Variants in TBCD observed in about 807,000 individuals in gnomAD.
The protein encoded by TBCD is tubulin-specific chaperone D.
TBCD carries 105 observed loss-of-function variants against 169.3 expected under a neutral mutation model. The ratio of observed to expected loss-of-function variants is 0.62; its 90% CI spans 0.53 to 0.73. TBCD has a LOEUF of 0.73. Ranked by LOEUF, TBCD falls within the 30% of genes least tolerant of loss-of-function variation. The probability of loss-of-function intolerance (pLI) is 0.00; values close to 1 mark genes in which losing one functional copy is unlikely to be tolerated. For missense variants in TBCD, 1,444 were observed against 1,600.1 expected, an observed-to-expected ratio of 0.90 and a Z score of 1.66; for synonymous variants, 700 against 643.9, an observed-to-expected ratio of 1.09 and a Z score of -1.32.
intron 21 of TBCD, 141 bp downstream of exon 21, chr17:82,907,962 G>A (rs531671672): frequency 1.5e-4 from 125 of 843,326 alleles, no homozygotes; most frequent in Middle Eastern, 2.9e-4. Context: ...GGGGACCTGC[G>A]GTGTGATCAC....
chr17:82,937,741 C>A, intron 35 of TBCD: 1 of 882,126 alleles, frequency 1.1e-6, no homozygotes, highest in South Asian at 1.9e-5. Context: ...CGCCAGCCAG[C>A]GATAGGCACC....
In TBCD at chr17:82,925,049, C is replaced by T. The variant is rs1260113269; in HGVS notation, c.2371C>T (p.Leu791Phe). ...ALPGFLLKGR[L>F]QQVLTGLRAV... ...TCCAGGCTTCCTTCTGAAAGGCCGG[C>T]TCCAGCAGGTGAGGCTGGCCACGCG... is the stretch of plus-strand genomic sequence containing the variant. Residue 791 changes from leucine (L) to phenylalanine (F), a missense_variant, in exon 27 of 39, where the codon CTC becomes TTC. Coordinates refer to ENST00000355528, the MANE Select transcript of TBCD (RefSeq NM_005993.5). 6.4e-7 allele frequency: 1 copy of T among 1,555,262 alleles called. No individual in the cohort carries two copies. The highest frequency in any genetic ancestry group is 8.7e-7 in the Non-Finnish European group (1 of 1,149,452).
At chr17:82,759,739 T>C (rs1245238284) in intron 2 of TBCD, among the ~76,000 whole-genome samples, 1 of 152,222 alleles carries the variant, frequency 6.6e-6, no homozygotes, top group African/African-American at 2.4e-5. Flanking sequence ...GCCTCATTTA[T>C]TGGATGATTT....
intron 5 of TBCD, among the ~76,000 whole-genome samples, chr17:82,771,881 G>A (rs566081750): frequency 1.3e-5 from 2 of 150,528 alleles, no homozygotes; most frequent in East Asian, 2.0e-4. Flanking sequence ...CCGAGATCGC[G>A]CCACGGCCCT....
chr17:82,925,012 C>A lies in TBCD; in HGVS notation c.2334C>A (p.Ala778=). 6.4e-7 allele frequency: 1 copy of A among 1,570,632 alleles called. No individual in the cohort carries two copies. The change falls in exon 27 of 39, where the codon GCC becomes GCA. Residue 778 remains alanine, a synonymous_variant. Transcript: ENST00000355528. The part of the protein sequence containing the change: ...EEMTRCGFSL[A]LGALPGFLLK... Reference sequence around the variant, plus strand: ...TGACTCGCTGTGGCTTCTCGTTGGCCTTGGGCGCCCTTCCAGGCTTCCTTC... The same window carrying A: ...TGACTCGCTGTGGCTTCTCGTTGGCATTGGGCGCCCTTCCAGGCTTCCTTC...
At chr17:82,867,178 G>A (rs564351496) in intron 13 of TBCD, among the ~76,000 whole-genome samples, 1 of 125,376 alleles carries the variant, frequency 8.0e-6, no homozygotes, top group East Asian at 2.1e-4. Flanking sequence ...TCCGTGGCCT[G>A]GGGTGGGGGG....
Position 82,780,038 on chromosome 17 carries a change from G to A in TBCD, c.639-1551G>A, listed in dbSNP as rs377292944. Among the ~76,000 whole-genome samples the A allele has an allele frequency of 2.3e-4, 35 of 152,300 alleles. No individual in the cohort carries two copies. In the East Asian group the frequency reaches 2.7e-3, roughly 12 times the overall value. ...TGTGGCTAGGATGCCAGTCAGACCT[G>A]CCGGCATGGCCTAAAGAGGAGGTGG... is the stretch of plus-strand genomic sequence containing the variant. On this transcript the variant is annotated intron_variant, in intron 6 of 38. Coordinates refer to ENST00000355528, the MANE Select transcript of TBCD (RefSeq NM_005993.5).
At position 82,923,855 on chromosome 17, in the gene TBCD, G is replaced by A; in HGVS notation, c.2260+122G>A. 1.3e-6 allele frequency: 1 copy of A among 768,882 alleles called. No homozygotes were observed. Among genetic ancestry groups the A allele is most frequent in the Non-Finnish European group, 2.1e-6 (1 of 481,210 alleles). The allele number at this position is 768,882 out of a possible 1,614,324, so 47.6% of individuals were successfully genotyped here. A position where few individuals can be genotyped will look rare whatever the true frequency, so the allele number is the denominator to read the frequency against. ...GAGCAGAGCCACCACGATCATGGCTGGAGTGGGACTGTTCGGGTCTCAGGT... is the reference window on the plus strand; with the variant it reads ...GAGCAGAGCCACCACGATCATGGCTAGAGTGGGACTGTTCGGGTCTCAGGT... On this transcript the variant is annotated intron_variant, in intron 26 of 38. Transcript: ENST00000355528. This position sits in a 1 kb window ranked among gnomAD's most constrained non-coding sequence, Gnocchi z 4.6.
chr17:82,874,251 C>T lies in TBCD; in HGVS notation c.1475+3871C>T, dbSNP rs945785446. ...TCCTGAGTTTCTCAGGCCTGAAGGA[C>T]TGTAGGACGCACTGTGGGCTGCAGG... is the stretch of plus-strand genomic sequence containing the variant. On this transcript the variant is annotated intron_variant, in intron 14 of 38. Coordinates refer to ENST00000355528, the MANE Select transcript of TBCD (RefSeq NM_005993.5). The surrounding 1 kb of genome is among the most constrained non-coding windows in gnomAD (Gnocchi z 5.0). 6.6e-6 allele frequency among the ~76,000 whole-genome samples: 1 copy of T among 152,178 alleles called. No homozygotes were observed. The highest frequency in any genetic ancestry group is 2.4e-5 in the African/African-American group (1 of 41,442).
At chr17:82,859,309 G>A (rs1180441903) in intron 13 of TBCD, among the ~76,000 whole-genome samples, 2 of 149,914 alleles carry the variant, frequency 1.3e-5, no homozygotes, top group East Asian at 2.0e-4. Flanking sequence ...AGGGAGTCTC[G>A]TGGGTCGTCT....
rs769086683 is a variant in TBCD, at chr17:82,832,630, C to G, written c.1318+17696C>G. The stretch of plus-strand genomic sequence containing the variant: ...GGCGAGAGCCTCCGTCATCTGGCGG[C>G]TGGGAGCTGTAATAAAGAGCAGTCT... On this transcript the variant is annotated intron_variant, in intron 13 of 38. Coordinates refer to ENST00000355528, the MANE Select transcript of TBCD (RefSeq NM_005993.5). This position sits in a 1 kb window ranked among gnomAD's most constrained non-coding sequence, Gnocchi z 4.9. The G allele has an allele frequency of 1.5e-6, 1 of 657,458 alleles. No individual in the cohort carries two copies. The highest frequency in any genetic ancestry group is 2.7e-5 in the East Asian group (1 of 36,798). 40.7% of individuals were successfully genotyped at this position (657,458 alleles called of 1,614,324 possible).
At chr17:82,877,042 A>T (rs1021795187) in intron 14 of TBCD, 8 of 879,148 alleles carry the variant, frequency 9.1e-6, no homozygotes, top group Non-Finnish European at 1.1e-5. Flanking sequence ...TCATTAATCA[A>T]TGTTCCACAC....
rs374119211 is a variant in TBCD at position 82,945,320 on chromosome 17, GAATGA to G, written c.*2868_*2872del. ...TAACCTTTGGGTAATTGGGGTCTCA[GAATGA>G]AATGAAATGATGCAGATATTCCATA... On this transcript the variant is annotated 3_prime_UTR_variant, in exon 39 of 39. Transcript: ENST00000355528. The G allele has an allele frequency of 1.3e-5, 2 of 152,306 alleles. No individual in the cohort carries two copies. Among genetic ancestry groups the G allele is most frequent in the African/African-American group, 4.8e-5 (2 of 41,554 alleles). The allele number at this position is 152,306 out of a possible 1,614,324, so 9.4% of individuals were successfully genotyped here. A position where few individuals can be genotyped will look rare whatever the true frequency, so the allele number is the denominator to read the frequency against.
chr17:82,921,852 C>T (rs1568048151), intron 25 of TBCD, among the ~76,000 whole-genome samples: 1 of 152,232 alleles, frequency 6.6e-6, no homozygotes, highest in African/African-American at 2.4e-5. Context: ...ACTTTTTCTG[C>T]ATCAATAGTA....
Position 82,874,851 on chromosome 17 carries a change from C to T in TBCD, c.1475+4471C>T, listed in dbSNP as rs929530089. On this transcript the variant is annotated intron_variant, in intron 14 of 38. Coordinates refer to ENST00000355528, the MANE Select transcript of TBCD (RefSeq NM_005993.5). This position sits in a 1 kb window ranked among gnomAD's most constrained non-coding sequence, Gnocchi z 5.0. The stretch of plus-strand genomic sequence containing the variant: ...ACATTTTAATTACCAGCTTTTATGC[C>T]CGTCAATTTGGGAACGTGATACAAT... Among the ~76,000 whole-genome samples the T allele has an allele frequency of 6.6e-6, 1 of 152,154 alleles. No individual in the cohort carries two copies. Among genetic ancestry groups the T allele is most frequent in the African/African-American group, 2.4e-5 (1 of 41,428 alleles).
intron 13 of TBCD, among the ~76,000 whole-genome samples, chr17:82,858,929 C>T (rs1051312322): frequency 2.6e-5 from 4 of 152,300 alleles, no homozygotes; most frequent in East Asian, 1.9e-4. Flanking sequence ...GGGATGAGTG[C>T]GGCTCTCAGC....
chr17:82,783,914 C>T (rs572298926), intron 7 of TBCD, among the ~76,000 whole-genome samples: 4 of 152,100 alleles, frequency 2.6e-5, no homozygotes, highest in Admixed American at 2.6e-4. Flanking sequence ...TACTTGAGGT[C>T]GGGAGTTCGA....
intron 23 of TBCD, among the ~76,000 whole-genome samples, chr17:82,916,630 T>C (rs2061054508): frequency 6.6e-6 from 1 of 152,214 alleles, no homozygotes; most frequent in Non-Finnish European, 1.5e-5. Context: ...TAGTCTCTTG[T>C]CTTCTGGAGA....
chr17:82,911,711 A>G (rs757009112), intron 22 of TBCD, 47 bp from the exon 23 acceptor site: 15 of 1,591,960 alleles, frequency 9.4e-6, no homozygotes, highest in Non-Finnish European at 1.1e-5. Context: ...ATGGTGTTTT[A>G]TACGTCAAGA....
Sources: allele counts gnomAD v4.1 joint callset (sites outside exome capture counted in the v4.1 genomes callset), GRCh38; gene constraint gnomAD v4.1.1; non-coding constraint Gnocchi (gnomAD v3.1); transcripts MANE v1.5; gene names NCBI Gene and HGNC (gene_info 2026-07-23, HGNC 2026-07-21).